The following CSMD1 variants were observed in gnomAD, a reference collection of about 807,000 sequenced individuals.
CSMD1 encodes CUB and Sushi multiple domains 1.
A neutral mutation model predicts 417.5 loss-of-function variants in CSMD1; 213 were observed. That is an observed-to-expected ratio of 0.51 (90% confidence interval 0.46 to 0.57). The LOEUF is 0.57. CSMD1 is among the 20% of genes least tolerant of loss of function. The pLI is 0.00. For synonymous variants in CSMD1, 2,862 were observed against 1,736.8 expected (o/e 1.65, Z -16.11); for missense variants, 6,923 against 4,529.7 (o/e 1.53, Z -15.17).
chr8:4,022,053 A>C (rs1490102183), intron 4 of CSMD1, among the ~76,000 whole-genome samples: 2 of 151,192 alleles, frequency 1.3e-5, no homozygotes, highest in African/African-American at 4.9e-5. Flanking sequence ...TCATTCTTTA[A>C]TATACAGATG....
At chr8:3,735,125 C>G (rs1796466189) in intron 6 of CSMD1, among the ~76,000 whole-genome samples, 1 of 152,210 alleles carries the variant, frequency 6.6e-6, no homozygotes, top group Non-Finnish European at 1.5e-5. Flanking sequence ...TAACTCTTTT[C>G]AATCACCAGC....
chr8:4,234,505 G>C (rs920215048), intron 3 of CSMD1, among the ~76,000 whole-genome samples: 9 of 152,018 alleles, frequency 5.9e-5, no homozygotes, highest in Non-Finnish European at 1.0e-4. Flanking sequence ...GAATTCAGCA[G>C]TCTACACTAG....
At chr8:4,111,811 A>G (rs1000419550) in intron 3 of CSMD1, among the ~76,000 whole-genome samples, 1 of 152,108 alleles carries the variant, frequency 6.6e-6, no homozygotes, top group East Asian at 1.9e-4. Context: ...AATAGCTAAT[A>G]CATATGGGGC....
chr8:3,480,926 G>A (rs898495650), intron 11 of CSMD1, among the ~76,000 whole-genome samples: 2 of 151,992 alleles, frequency 1.3e-5, no homozygotes, highest in Admixed American at 6.6e-5. Context: ...GGAGGCCGAG[G>A]TGAGCGGATC....
chr8:4,942,773 T>C (rs917550494), intron 1 of CSMD1, among the ~76,000 whole-genome samples: 1 of 152,148 alleles, frequency 6.6e-6, no homozygotes, highest in Admixed American at 6.5e-5. Context: ...CATACACAGA[T>C]GATGTAGCTA....
At chr8:3,607,690 A>G (rs774561776) in intron 8 of CSMD1, among the ~76,000 whole-genome samples, 1 of 152,232 alleles carries the variant, frequency 6.6e-6, no homozygotes, top group Non-Finnish European at 1.5e-5. Context: ...TTCTATTTAC[A>G]AAAAGAACAA....
chr8:4,233,017 T>C (rs747878858), intron 3 of CSMD1, among the ~76,000 whole-genome samples: 5 of 152,186 alleles, frequency 3.3e-5, no homozygotes, highest in South Asian at 4.1e-4. Flanking sequence ...CATGTCTACA[T>C]GCACCTGCAG....
intron 3 of CSMD1, among the ~76,000 whole-genome samples, chr8:4,212,846 T>C (rs1800403908): frequency 6.7e-6 from 1 of 149,132 alleles, no homozygotes; most frequent in Non-Finnish European, 1.5e-5. Flanking sequence ...AACACCCTTC[T>C]AGTCCAGCTT....
intron 3 of CSMD1, among the ~76,000 whole-genome samples, chr8:4,135,213 T>G (rs1196662718): frequency 6.6e-6 from 1 of 152,054 alleles, no homozygotes; most frequent in Non-Finnish European, 1.5e-5. Context: ...CCAACAATGT[T>G]GAGAATTAAG....
intron 1 of CSMD1, among the ~76,000 whole-genome samples, chr8:4,783,081 T>C (rs73179615): frequency 0.089 from 13,513 of 152,222 alleles, 724 homozygotes; most frequent in East Asian, 0.26. Context: ...TAAATGATTG[T>C]AAAATCAATT....
intron 1 of CSMD1, among the ~76,000 whole-genome samples, chr8:4,825,603 G>C (rs909026167): frequency 7.4e-6 from 1 of 135,904 alleles, no homozygotes; most frequent in East Asian, 2.1e-4. Context: ...GCACAGAAAA[G>C]AAAAGAAAAA....
chr8:4,471,046 C>T (rs1226527838), intron 2 of CSMD1, among the ~76,000 whole-genome samples: 1 of 152,068 alleles, frequency 6.6e-6, no homozygotes, highest in Non-Finnish European at 1.5e-5. Context: ...CTTGCAAGGT[C>T]TAATTTCCTC....
chr8:3,890,615 T>C (rs1585147854), intron 5 of CSMD1, among the ~76,000 whole-genome samples: 2 of 152,060 alleles, frequency 1.3e-5, no homozygotes, highest in African/African-American at 4.8e-5. Flanking sequence ...ACGTGGCATA[T>C]TTTTCCGATT....
intron 5 of CSMD1, among the ~76,000 whole-genome samples, chr8:3,871,014 A>T (rs34579770): frequency 0.082 from 12,504 of 151,916 alleles, 561 homozygotes; most frequent in South Asian, 0.16. Context: ...TAATTTTTTT[A>T]AAAAAATTCA....
intron 41 of CSMD1, chr8:3,127,970 G>C (rs1057181994): frequency 6.9e-5 from 9 of 130,758 alleles, no homozygotes; most frequent in Non-Finnish European, 1.4e-4. Flanking sequence ...GAGGGAGGGA[G>C]GGAAGGAAAG....
At chr8:4,159,299 A>T (rs1051789664) in intron 3 of CSMD1, among the ~76,000 whole-genome samples, 1 of 152,188 alleles carries the variant, frequency 6.6e-6, no homozygotes, top group African/African-American at 2.4e-5. Flanking sequence ...TACCTCAAGT[A>T]TTTTAAAAGC....
chr8:3,250,015 G>A (rs1235951076), intron 26 of CSMD1, among the ~76,000 whole-genome samples: 1 of 152,182 alleles, frequency 6.6e-6, no homozygotes, highest in Non-Finnish European at 1.5e-5. Flanking sequence ...ATAAAAGGTA[G>A]CATGGTATAA....
intron 10 of CSMD1, among the ~76,000 whole-genome samples, chr8:3,569,315 G>A (rs1034417904): frequency 2.0e-5 from 3 of 152,140 alleles, no homozygotes; most frequent in Non-Finnish European, 2.9e-5. Context: ...CTAAGATTCC[G>A]CAAGTAATTA....
At chr8:3,344,516 G>GAGCA (rs373503627) in intron 22 of CSMD1, among the ~76,000 whole-genome samples, 1 of 152,178 alleles carries the variant, frequency 6.6e-6, no homozygotes. Context: ...AATAACAACA[G>GAGCA]AGCACTAGGT....
Sources: gnomAD v4.1 joint callset for allele counts (sites outside exome capture counted in the v4.1 genomes callset) on GRCh38, gnomAD v4.1.1 for gene constraint, MANE v1.5 for transcripts, NCBI Gene and HGNC (gene_info 2026-07-23, HGNC 2026-07-21) for gene names.